The following LYZL1 variants were observed in gnomAD, a reference collection of about 807,000 sequenced individuals.
The protein encoded by LYZL1 is lysozyme like 1.
In LYZL1, 16 loss-of-function variants were observed where a neutral mutation model predicts 17.9. That is an observed-to-expected ratio of 0.90 (90% CI 0.61 to 1.36). The LOEUF is 1.36. Ranked by LOEUF, LYZL1 falls within the 40% of genes most tolerant of loss-of-function variation. LYZL1 has a pLI of 0.00. For missense variants in LYZL1, 149 were observed against 188.4 expected, an observed-to-expected ratio of 0.79 and a Z score of 1.22; for synonymous variants, 58 against 71.8, an observed-to-expected ratio of 0.81 and a Z score of 0.97.
chr10:29,306,421 G>C (rs1250030882), intron 3 of LYZL1, among the ~76,000 whole-genome samples: 30 of 145,722 alleles, frequency 2.1e-4, no homozygotes, highest in African/African-American at 6.8e-4. Flanking sequence ...GTAGTGGCGG[G>C]CGCCTGTAGT....
intron 4 of LYZL1, chr10:29,318,012 G>A (rs1398593696): frequency 4.5e-6 from 1 of 221,162 alleles, no homozygotes; most frequent in Non-Finnish European, 7.6e-6. Context: ...TTTTGTAATA[G>A]GTGATTTCTA....
intron 3 of LYZL1, among the ~76,000 whole-genome samples, chr10:29,308,289 G>A (rs1370039768): frequency 8.5e-5 from 13 of 152,212 alleles, no homozygotes; most frequent in Admixed American, 5.9e-4. Flanking sequence ...AGAGGCATGC[G>A]GACCTGGCAT....
At chr10:29,293,134 C>CTTTTTTTTTTTTTTTT (rs11453474) in intron 3 of LYZL1, among the ~76,000 whole-genome samples, 1 of 121,046 alleles carries the variant, frequency 8.3e-6, no homozygotes, top group African/African-American at 3.1e-5. Context: ...TTTCTTTTTT[C>CTTTTTTTTTTTTTTTT]TTTTTTTTTT....
At position 29,317,732 on chromosome 10, in the gene LYZL1, C is replaced by T. The variant is rs553438558; in HGVS notation, c.*138+284C>T. On this transcript the variant is annotated intron_variant and NMD_transcript_variant, in intron 4 of 4. Coordinates refer to the LYZL1 transcript ENST00000494304. ...CACAGCCATGGTAAGGACTAGCAACCGTATTAGAAGCATGTTAATCACCTG... is the reference window on the plus strand; with the variant it reads ...CACAGCCATGGTAAGGACTAGCAACTGTATTAGAAGCATGTTAATCACCTG... Among the ~76,000 whole-genome samples, 7 of 152,170 alleles carry T rather than the reference C, an allele frequency of 4.6e-5. No homozygotes were observed. The East Asian group carries it at 5.8e-4, about 13-fold the overall frequency.
intron 3 of LYZL1, among the ~76,000 whole-genome samples, chr10:29,301,815 C>T (rs1256642560): frequency 2.0e-5 from 3 of 152,136 alleles, no homozygotes; most frequent in African/African-American, 7.2e-5. Context: ...GCTGCTGTCA[C>T]ATTTATCACC....
intron 3 of LYZL1, among the ~76,000 whole-genome samples, chr10:29,306,077 C>A (rs1398459962): frequency 6.6e-6 from 1 of 152,122 alleles, no homozygotes. Context: ...ATTGGTGATC[C>A]CACAGTTAAG....
At chr10:29,296,781 T>C (rs1835451585) in intron 3 of LYZL1, among the ~76,000 whole-genome samples, 1 of 152,112 alleles carries the variant, frequency 6.6e-6, no homozygotes, top group South Asian at 2.1e-4. Flanking sequence ...GACTCCCCAG[T>C]GAACAAGACT....
chr10:29,292,657 A>G lies in LYZL1; in HGVS notation c.278A>G (p.His93Arg). The G allele has an allele frequency of 1.9e-6, 3 of 1,614,076 alleles. No individual in the cohort carries two copies. The highest frequency in any genetic ancestry group is 2.5e-6 in the Non-Finnish European group (3 of 1,179,956). ...CRRGKLKENN[H>R]CHVACSALIT... ...CGCGGAAAGCTGAAGGAGAACAACCACTGCCATGTCGCCTGCTCAGGTGAG... is the reference window on the plus strand; with the variant it reads ...CGCGGAAAGCTGAAGGAGAACAACCGCTGCCATGTCGCCTGCTCAGGTGAG... Residue 93 changes from histidine (H) to arginine (R), a missense_variant, in exon 3 of 5, where the codon CAC becomes CGC. Around this residue, in one of 2 missense-constraint regions of LYZL1, gnomAD observed 130 missense variants for 132.5 expected, o/e 0.98. Transcript: ENST00000649382.
chr10:29,312,178 A>C (rs1191655394), downstream of LYZL1, among the ~76,000 whole-genome samples: 2 of 152,124 alleles, frequency 1.3e-5, no homozygotes, highest in Admixed American at 6.5e-5. Context: ...TTTTATGCCT[A>C]AATCCTGCTG....
chr10:29,302,326 A>G (rs534758113), intron 3 of LYZL1, among the ~76,000 whole-genome samples: 2 of 152,358 alleles, frequency 1.3e-5, no homozygotes, highest in South Asian at 4.1e-4. Context: ...AAGAAAAAGA[A>G]TATTTTGTAA....
In LYZL1 at chr10:29,311,103, T is replaced by G. The variant is rs1460431815; in HGVS notation, c.*44T>G. 104 of 1,613,946 alleles carry G rather than the reference T, an allele frequency of 6.4e-5. No individual in the cohort carries two copies. The highest frequency in any genetic ancestry group is 8.4e-5 in the Non-Finnish European group (99 of 1,179,988). The stretch of plus-strand genomic sequence containing the variant: ...ATGCTTTGCAGCAACGCCCTAGGAT[T>G]TGCAGTGAATGTCCAAATGCCTGTG... On this transcript the variant is annotated 3_prime_UTR_variant, in exon 5 of 5. Coordinates refer to ENST00000649382, the MANE Select transcript of LYZL1 (RefSeq NM_032517.6).
intron 4 of LYZL1, 141 bp from the exon 5 acceptor site, chr10:29,310,849 G>T: frequency 3.2e-6 from 4 of 1,236,472 alleles, no homozygotes; most frequent in Middle Eastern, 2.3e-4. Flanking sequence ...CAAAAGGACA[G>T]CATCCTTGAA....
At chr10:29,291,589 G>A (rs11007512) in intron 1 of LYZL1, among the ~76,000 whole-genome samples, 32,095 of 149,966 alleles carry the variant, frequency 0.21, 3,580 homozygotes, top group East Asian at 0.31. Context: ...GTATTAAGGA[G>A]GGTTAATTTT....
downstream of LYZL1, among the ~76,000 whole-genome samples, chr10:29,315,485 T>G (rs1835719188): frequency 1.3e-5 from 2 of 151,966 alleles, no homozygotes; most frequent in Non-Finnish European, 2.9e-5. Flanking sequence ...CACTCCAGCC[T>G]GGGCAGCAGA....
chr10:29,314,308 A>G (rs919965358), downstream of LYZL1, among the ~76,000 whole-genome samples: 1 of 152,198 alleles, frequency 6.6e-6, no homozygotes, highest in Non-Finnish European at 1.5e-5. Flanking sequence ...CTTCACTGCT[A>G]TATTTCCACA....
chr10:29,296,457 G>A (rs1835447558), intron 3 of LYZL1, among the ~76,000 whole-genome samples: 1 of 152,144 alleles, frequency 6.6e-6, no homozygotes, highest in Admixed American at 6.5e-5. Context: ...TTCACTTAAG[G>A]AGTAGTTAGA....
chr10:29,308,204 C>A (rs557371604), intron 3 of LYZL1, among the ~76,000 whole-genome samples: 3 of 152,202 alleles, frequency 2.0e-5, no homozygotes, highest in African/African-American at 7.2e-5. Flanking sequence ...ACAGTACCTG[C>A]CACCTGCTTC....
At chr10:29,308,617 AT>A (rs1274704716) in intron 3 of LYZL1, among the ~76,000 whole-genome samples, 2 of 152,258 alleles carry the variant, frequency 1.3e-5, no homozygotes, top group African/African-American at 4.8e-5. Flanking sequence ...AAGAATGCGG[AT>A]ATCAAACAAT....
chr10:29,305,088 G>A (rs1410442247), intron 3 of LYZL1, among the ~76,000 whole-genome samples: 2 of 151,992 alleles, frequency 1.3e-5, no homozygotes, highest in Non-Finnish European at 2.9e-5. Context: ...TCCTCACTAT[G>A]TATTATATAA....
Sources: gnomAD v4.1 joint callset for allele counts (sites outside exome capture counted in the v4.1 genomes callset) on GRCh38, gnomAD v4.1.1 for gene constraint, gnomAD v4.1.1 regional missense constraint, MANE v1.5 for transcripts, NCBI Gene and HGNC (gene_info 2026-07-23, HGNC 2026-07-21) for gene names.